Variants in LILRA5 observed in about 807,000 individuals in gnomAD.
LILRA5 encodes the protein leukocyte immunoglobulin-like receptor subfamily A member 5.
In LILRA5, 31 loss-of-function variants were observed where a neutral mutation model predicts 36.3. The observed-to-expected ratio is 0.85, with a 90% CI of 0.64 to 1.15. The LOEUF (loss-of-function observed/expected upper bound fraction) is 1.15. Among genes scored for constraint, LILRA5 ranks in the 50% most tolerant of loss-of-function variants. The pLI is 0.00. For missense variants in LILRA5, 348 were observed against 377.4 expected (o/e 0.92, Z 0.64); for synonymous variants, 144 against 144.8 (o/e 0.99, Z 0.04).
chr19:54,312,742 C>T, intron 1 of LILRA5, 121 bp from the exon 2 acceptor site: 2 of 1,030,386 alleles, frequency 1.9e-6, no homozygotes, highest in South Asian at 1.5e-5. Flanking sequence ...GCCTGGCTCT[C>T]ATTTCCCCAG....
At chr19:54,308,061 T>C in intron 5 of LILRA5, 2 of 371,398 alleles carry the variant, frequency 5.4e-6, no homozygotes, top group Non-Finnish European at 1.0e-5. Context: ...TTGTGCTCTC[T>C]GTGCAGCCTG....
Position 54,311,493 on chromosome 19 carries a change from C to T in LILRA5, c.633G>A (p.Met211Ile). The T allele has an allele frequency of 6.2e-7, 1 of 1,614,192 alleles. No individual in the cohort carries two copies. The highest frequency in any genetic ancestry group is 1.3e-5 in the African/African-American group (1 of 75,048). The change falls in exon 5 of 7, where the codon ATG (methionine) becomes ATA (isoleucine). Residue 211 changes from methionine to isoleucine, a missense_variant. Transcript: ENST00000432233. ...VGPVTPSHRW[M>I]LRCYGSRRHI... The stretch of plus-strand genomic sequence containing the variant: ...GCCTGCGAGAGCCATAGCATCTGAG[C>T]ATCCACCTGTGGCTGGGGGTCACAG...
rs561166358 is a variant in LILRA5, at chr19:54,310,630, C to T, written c.712+784G>A. On this transcript the variant is annotated intron_variant, in intron 5 of 6. Transcript: ENST00000432233. ...TTTCTAGGTCTAGGATGAGCCACATCTCAGATGCCCCACAAGGTCAGAAAT... is the reference window on the plus strand; with the variant it reads ...TTTCTAGGTCTAGGATGAGCCACATTTCAGATGCCCCACAAGGTCAGAAAT... The T allele has an allele frequency of 4.8e-5, 11 of 227,438 alleles. No homozygotes were observed. In the East Asian group the frequency reaches 1.7e-3, roughly 36 times the overall value. The allele number at this position is 227,438 out of a possible 1,614,324, so 14.1% of individuals were successfully genotyped here.
rs1398416444 is a variant in LILRA5 at position 54,311,607 on chromosome 19, C to T, written c.519G>A (p.Leu173=). Reference sequence around the variant, plus strand: ...AGAGCTTGTGGTCTCCTTCCTCAGTCAGAATGAACCTGTCGAATCTCAGCC... The same window carrying T: ...AGAGCTTGTGGTCTCCTTCCTCAGTTAGAATGAACCTGTCGAATCTCAGCC... ...GSRLRFDRFI[L]TEEGDHKLSW... Residue 173 remains leucine (L), a synonymous_variant, in exon 5 of 7, where the codon CTG becomes CTA. Coordinates refer to ENST00000432233, the MANE Select transcript of LILRA5 (RefSeq NM_021250.4). 1.9e-6 allele frequency: 3 copies of T among 1,614,202 alleles called. No individual in the cohort carries two copies. Among genetic ancestry groups the T allele is most frequent in the Non-Finnish European group, 2.5e-6 (3 of 1,180,038 alleles).
At chr19:54,312,959 A>T in intron 1 of LILRA5, 58 bp downstream of exon 1, 2 of 1,611,958 alleles carry the variant, frequency 1.2e-6, no homozygotes, top group South Asian at 2.2e-5. Flanking sequence ...GAGCCTCCCC[A>T]TGGGGTCTCC....
intron 5 of LILRA5, 28 bp from the exon 6 acceptor site, chr19:54,307,776 G>A (rs570495570): frequency 6.2e-7 from 1 of 1,608,538 alleles, no homozygotes; most frequent in Non-Finnish European, 8.5e-7. Context: ...GGAAGGGGAA[G>A]GAGAAGTTCT....
At chr19:54,310,740 G>T in intron 5 of LILRA5, 1 of 321,476 alleles carries the variant, frequency 3.1e-6, no homozygotes, top group Non-Finnish European at 6.4e-6. Context: ...AGTGGAGGAG[G>T]TCACGTCTGT....
rs755965347 is a variant in LILRA5 at position 54,312,030 on chromosome 19, C to G, written c.243G>C (p.Glu81Asp). Reference protein sequence around the residue: ...LEAQEYRLVKEGSPEPWDTQN... With the variant: ...LEAQEYRLVKDGSPEPWDTQN... ...GTGTGTCCCAGGGTTCTGGGCTTCCCTCTTTAACCAGACGGTATTCCTGGG... is the reference window on the plus strand; with the variant it reads ...GTGTGTCCCAGGGTTCTGGGCTTCCGTCTTTAACCAGACGGTATTCCTGGG... Residue 81 changes from glutamate (E) to aspartate (D), a missense_variant, in exon 4 of 7, where the codon GAG becomes GAC. By Grantham distance (45) the Glu-to-Asp change is conservative. Coordinates refer to ENST00000432233, the MANE Select transcript of LILRA5 (RefSeq NM_021250.4). The G allele has an allele frequency of 1.9e-6, 3 of 1,614,090 alleles. No individual in the cohort carries two copies. In the African/African-American group the frequency reaches 4.0e-5, roughly 22 times the overall value.
In LILRA5 at chr19:54,311,495, T is replaced by C; in HGVS notation, c.631A>G (p.Met211Val). 1.9e-6 allele frequency: 3 copies of C among 1,614,136 alleles called. No homozygotes were observed. Among genetic ancestry groups the C allele is most frequent in the Non-Finnish European group, 2.5e-6 (3 of 1,180,020 alleles). ...VGPVTPSHRW[M>V]LRCYGSRRHI... ...CTGCGAGAGCCATAGCATCTGAGCATCCACCTGTGGCTGGGGGTCACAGGG... is the reference window on the plus strand; with the variant it reads ...CTGCGAGAGCCATAGCATCTGAGCACCCACCTGTGGCTGGGGGTCACAGGG... The change falls in exon 5 of 7, where the codon ATG becomes GTG. Residue 211 changes from methionine (M) to valine (V), a missense_variant. Transcript: ENST00000432233.
chr19:54,310,021 C>G (rs1055350259), intron 5 of LILRA5: 20 of 315,340 alleles, frequency 6.3e-5, no homozygotes, highest in African/African-American at 4.3e-4. Flanking sequence ...AGGAGCAGGT[C>G]TGGCGTGGAC....
At position 54,312,540 on chromosome 19, in the gene LILRA5, G is replaced by T. The variant is rs2081045118; in HGVS notation, c.85C>A (p.Leu29Ile). 1 of 1,614,084 alleles carries T rather than the reference G, an allele frequency of 6.2e-7. No individual in the cohort carries two copies. Residue 29 changes from leucine (L) to isoleucine (I), a missense_variant, in exon 2 of 7, where the codon CTC becomes ATC. Physicochemically the swap from Leu to Ile is conservative, Grantham distance 5. Transcript: ENST00000432233. ...VSPALMVLLC[L>I]GLSLGPRTHV... ...TCCCTGAGGCTTCCAATCTCACCGAGGCAGAGCAGAACCATGAGGGCAGGG... is the reference window on the plus strand; with the variant it reads ...TCCCTGAGGCTTCCAATCTCACCGATGCAGAGCAGAACCATGAGGGCAGGG...
rs564374461 is a variant in LILRA5 at position 54,311,874 on chromosome 19, C to G, written c.399G>C (p.Leu133=). 2.3e-4 allele frequency: 364 copies of G among 1,614,168 alleles called. No homozygotes were observed. Among genetic ancestry groups the G allele is most frequent in the Non-Finnish European group, 4.0e-5 (47 of 1,180,016 alleles). ...AGAGTGTCCTCTCACCTGTCACCACCAGCTCCAGGGGGTCGCTGGGCTCTG... is the reference window on the plus strand; with the variant it reads ...AGAGTGTCCTCTCACCTGTCACCACGAGCTCCAGGGGGTCGCTGGGCTCTG... ...GWSEPSDPLE[L]VVTGFYNKPT... Residue 133 remains leucine (L), a synonymous_variant, in exon 4 of 7, where the codon CTG becomes CTC. Transcript: ENST00000432233.
chr19:54,308,331 GTGTGTATATATATGTATATATAAATATA>G, intron 5 of LILRA5: 1 of 37,270 alleles, frequency 2.7e-5, no homozygotes, highest in African/African-American at 2.1e-4. Context: ...GTGTGTGTGT[GTGTGTATATATATGTATATATAAATATA>G]TATATATATA....
At chr19:54,311,264 G>T in intron 5 of LILRA5, 150 bp downstream of exon 5, 1 of 1,561,562 alleles carries the variant, frequency 6.4e-7, no homozygotes, top group Non-Finnish European at 8.7e-7. Flanking sequence ...CCCTTGCTTT[G>T]TTTTCCTCAC....
chr19:54,310,515 T>C (rs1177421478), intron 5 of LILRA5: 1 of 157,090 alleles, frequency 6.4e-6, no homozygotes, highest in Non-Finnish European at 1.4e-5. Flanking sequence ...TACATGTACC[T>C]GCAGCTGCCC....
Position 54,311,726 on chromosome 19 carries a change from A to G in LILRA5, c.410-10T>C. On this transcript the variant is annotated splice_polypyrimidine_tract_variant and intron_variant, in intron 4 of 6. Coordinates refer to ENST00000432233, the MANE Select transcript of LILRA5 (RefSeq NM_021250.4). ...GGTTTGTTGTAGAATCCTAGGAGAG[A>G]AGGAGGCACCGTGTTAAATGGGGCT... The G allele has an allele frequency of 6.2e-7, 1 of 1,610,770 alleles. No individual in the cohort carries two copies. The highest frequency in any genetic ancestry group is 8.5e-7 in the Non-Finnish European group (1 of 1,177,280).
intron 5 of LILRA5, chr19:54,310,944 C>T (rs2080997139): frequency 4.2e-6 from 1 of 236,176 alleles, no homozygotes; most frequent in Non-Finnish European, 8.4e-6. Context: ...CTCCCTTGCT[C>T]TGTTTTTCTT....
chr19:54,308,372 T>TAA (rs1274270576), intron 5 of LILRA5: 3 of 37,916 alleles, frequency 7.9e-5, no homozygotes, highest in East Asian at 1.4e-3. Context: ...TATATATATA[T>TAA]ATATATATAT....
At chr19:54,308,373 AT>A (rs1569139040) in intron 5 of LILRA5, 5 of 41,986 alleles carry the variant, frequency 1.2e-4, no homozygotes, top group Non-Finnish European at 2.0e-4. Flanking sequence ...ATATATATAT[AT>A]ATATATATAT....
Sources: gnomAD v4.1 joint callset for allele counts on GRCh38, gnomAD v4.1.1 for gene constraint, MANE v1.5 for transcripts, NCBI Gene and HGNC (gene_info 2026-07-23, HGNC 2026-07-21) for gene names.